The following VIPAS39 variants were observed in gnomAD, a reference collection of about 807,000 sequenced individuals.
The protein encoded by VIPAS39 is spermatogenesis-defective protein 39 homolog.
In VIPAS39, 63 loss-of-function variants were observed where a neutral mutation model predicts 84.7. The observed-to-expected ratio is 0.74, with a 90% CI of 0.61 to 0.92. The LOEUF (loss-of-function observed/expected upper bound fraction) is 0.92. Ranked by LOEUF, VIPAS39 falls within the 40% of genes least tolerant of loss-of-function variation. The pLI, the probability that VIPAS39 is intolerant of heterozygous loss-of-function variation, is 0.00. For synonymous variants in VIPAS39, 192 were observed against 216.5 expected (o/e 0.89, Z 0.99); for missense variants, 499 against 604.5 (o/e 0.83, Z 1.83).
At chr14:77,435,137 C>T in intron 14 of VIPAS39, 122 bp downstream of exon 14, 1 of 1,503,422 alleles carries the variant, frequency 6.7e-7, no homozygotes, top group Non-Finnish European at 9.2e-7. Context: ...AGGAAAGCTT[C>T]CAGGTGGATT....
intron 7 of VIPAS39, among the ~76,000 whole-genome samples, chr14:77,445,239 G>T (rs1320839942): frequency 6.6e-6 from 1 of 152,046 alleles, no homozygotes; most frequent in South Asian, 2.1e-4. Context: ...GATTACAGGC[G>T]TGAGCCACCA....
intron 16 of VIPAS39, among the ~76,000 whole-genome samples, chr14:77,430,318 G>C (rs1268033949): frequency 6.6e-6 from 1 of 152,078 alleles, no homozygotes; most frequent in East Asian, 1.9e-4. Flanking sequence ...AGGAAAAACA[G>C]AAAATTTTTA....
chr14:77,441,218 T>C, intron 10 of VIPAS39, 125 bp from the exon 11 acceptor site: 1 of 1,037,598 alleles, frequency 9.6e-7, no homozygotes, highest in Non-Finnish European at 1.5e-6. Flanking sequence ...ATACACAAGA[T>C]AAATGGTTGA....
rs766023548 is a variant in VIPAS39, at chr14:77,429,677, T to A, written c.1266+4A>T. 6.2e-7 allele frequency: 1 copy of A among 1,614,062 alleles called. No homozygotes were observed. The highest frequency in any genetic ancestry group is 1.7e-5 in the Admixed American group (1 of 60,024). Reference sequence around the variant, plus strand: ...TGTACCCAACTCTCTTCAGGACCCATTACCTGCACAGGGGCATTGTTCTTG... The same window carrying A: ...TGTACCCAACTCTCTTCAGGACCCAATACCTGCACAGGGGCATTGTTCTTG... On this transcript the variant is annotated splice_donor_region_variant and intron_variant, in intron 17 of 19. Transcript: ENST00000557658.
intron 11 of VIPAS39, among the ~76,000 whole-genome samples, chr14:77,438,188 ACTAGGAGCTACTATATTG>A: frequency 6.6e-6 from 1 of 152,066 alleles, no homozygotes; most frequent in Non-Finnish European, 1.5e-5. Context: ...GCTACATGTG[ACTAGGAGCTACTATATTG>A]GACAACACAA....
chr14:77,444,600 T>G (rs1246040949), intron 7 of VIPAS39, among the ~76,000 whole-genome samples: 2 of 152,138 alleles, frequency 1.3e-5, no homozygotes, highest in East Asian at 3.9e-4. Context: ...TGAGACGGAG[T>G]CTTGCTCTGT....
In VIPAS39 at chr14:77,427,409, G is replaced by T; in HGVS notation, c.*207C>A. On this transcript the variant is annotated 3_prime_UTR_variant, in exon 20 of 20. Transcript: ENST00000557658. ...ACCAGGTGGAGAGAATCATTCTCAT[G>T]ACTCAAAGCTTTAGATCTCGATCCT... 3.3e-6 allele frequency: 2 copies of T among 613,218 alleles called. No homozygotes were observed. Among genetic ancestry groups the T allele is most frequent in the Non-Finnish European group, 2.9e-6 (1 of 349,142 alleles). 38.0% of individuals were successfully genotyped at this position (613,218 alleles called of 1,614,324 possible).
rs532548827 is a variant in VIPAS39, at chr14:77,444,068, G to A, written c.597+181C>T. On this transcript the variant is annotated intron_variant, in intron 8 of 19. Transcript: ENST00000557658. ...AAAAAAAAAAAAAACAGGGTTCCAC[G>A]CTTAGTGCATGTGGCACCAGCTAAG... 1.1e-4 allele frequency among the ~76,000 whole-genome samples: 16 copies of A among 148,962 alleles called. No individual in the cohort carries two copies. The South Asian group carries it at 3.2e-3, about 30-fold the overall frequency.
intron 4 of VIPAS39, 116 bp from the exon 5 acceptor site, chr14:77,449,868 T>G: frequency 7.4e-6 from 9 of 1,209,820 alleles, no homozygotes; most frequent in Non-Finnish European, 1.1e-5. Flanking sequence ...AACTTAAGGC[T>G]TAAAAAAGGT....
chr14:77,439,410 G>T (rs1173846745), intron 11 of VIPAS39, among the ~76,000 whole-genome samples: 1 of 152,140 alleles, frequency 6.6e-6, no homozygotes, highest in Non-Finnish European at 1.5e-5. Context: ...ACTACAGGCT[G>T]CCAATCATTT....
rs1423740101 is a variant in VIPAS39, at chr14:77,444,230, A to G, written c.597+19T>C. 1 of 1,609,140 alleles carries G rather than the reference A, an allele frequency of 6.2e-7. No homozygotes were observed. On this transcript the variant is annotated intron_variant, in intron 8 of 19. Transcript: ENST00000557658. The stretch of plus-strand genomic sequence containing the variant: ...TGAAAACAATAATTAAACAAACAAC[A>G]ACAAATCCGACAACTCACTGCAGTA...
At chr14:77,433,494 C>A (rs571811604) in intron 16 of VIPAS39, among the ~76,000 whole-genome samples, 88 of 152,290 alleles carry the variant, frequency 5.8e-4, no homozygotes, top group African/African-American at 1.9e-3. Context: ...AGCCACCGCG[C>A]CCAGCCCAAT....
chr14:77,455,409 T>C (rs2078946236), intron 1 of VIPAS39, among the ~76,000 whole-genome samples: 1 of 152,120 alleles, frequency 6.6e-6, no homozygotes, highest in African/African-American at 2.4e-5. Flanking sequence ...CACCTGAGCT[T>C]GGGACGTCGA....
At chr14:77,432,187 T>A (rs1436892136) in intron 16 of VIPAS39, among the ~76,000 whole-genome samples, 1 of 152,188 alleles carries the variant, frequency 6.6e-6, no homozygotes, top group Non-Finnish European at 1.5e-5. Context: ...ACTCTCTACA[T>A]GTATCTCATA....
At chr14:77,457,305 C>A (rs1043355607) in intron 1 of VIPAS39, 190 bp downstream of exon 1, 2 of 1,535,536 alleles carry the variant, frequency 1.3e-6, no homozygotes, top group Non-Finnish European at 1.7e-6. Context: ...CCGAACCAAT[C>A]GCTGGTGCTC....
chr14:77,428,176 CT>C (rs931019299), intron 19 of VIPAS39, among the ~76,000 whole-genome samples, 193 bp downstream of exon 19: 1 of 152,222 alleles, frequency 6.6e-6, no homozygotes, highest in African/African-American at 2.4e-5. Context: ...GATTACCCCC[CT>C]ATCATACCGC....
chr14:77,450,353 T>G lies in VIPAS39; in HGVS notation c.344-601A>C, dbSNP rs117075593. Reference sequence around the variant, plus strand: ...TCCGCTGCATGTATATGGCACATTTTGTTTATCCATTCATCCATCAATGGA... The same window carrying G: ...TCCGCTGCATGTATATGGCACATTTGGTTTATCCATTCATCCATCAATGGA... On this transcript the variant is annotated intron_variant, in intron 4 of 19. Coordinates refer to ENST00000557658, the MANE Select transcript of VIPAS39 (RefSeq NM_001193315.2). Among the ~76,000 whole-genome samples the G allele has an allele frequency of 8.6e-3, 1,315 of 152,366 alleles. 12 individuals are homozygous for G. The highest frequency in any genetic ancestry group is 0.012 in the Non-Finnish European group (790 of 68,030).
chr14:77,428,776 T>C lies in VIPAS39; in HGVS notation c.1356+230A>G, dbSNP rs2242619. Among the ~76,000 whole-genome samples, 66,547 of 152,060 alleles carry C rather than the reference T, an allele frequency of 0.44. 16,954 individuals are homozygous for C. The highest frequency in any genetic ancestry group is 0.93 in the East Asian group (4,790 of 5,176). On this transcript the variant is annotated intron_variant, in intron 18 of 19. Transcript: ENST00000557658. ...CAGCTTGTATAGCTTGATTTAGTTCTATGAATTCTCCAAGTACGACAAGTT... is the reference window on the plus strand; with the variant it reads ...CAGCTTGTATAGCTTGATTTAGTTCCATGAATTCTCCAAGTACGACAAGTT...
intron 6 of VIPAS39, among the ~76,000 whole-genome samples, chr14:77,448,911 T>C (rs953293854): frequency 2.0e-5 from 3 of 152,226 alleles, no homozygotes; most frequent in African/African-American, 7.2e-5. Flanking sequence ...TGGAGACATG[T>C]TCCTTTTCCG....
Sources: allele counts gnomAD v4.1 joint callset (sites outside exome capture counted in the v4.1 genomes callset), GRCh38; gene constraint gnomAD v4.1.1; transcripts MANE v1.5; gene names NCBI Gene and HGNC (gene_info 2026-07-23, HGNC 2026-07-21).